The following OVCH2 variants were observed in gnomAD, a reference collection of about 807,000 sequenced individuals.
The protein encoded by OVCH2 is ovochymase 2.
Under a neutral mutation model 73.7 loss-of-function variants are expected in OVCH2, and 88 were observed. The observed-to-expected ratio is 1.19, with a 90% CI of 1.01 to 1.43. The LOEUF (loss-of-function observed/expected upper bound fraction) is 1.43. Ranked by LOEUF, OVCH2 falls within the 40% of genes most tolerant of loss-of-function variation. OVCH2 has a pLI of 0.00. For missense variants in OVCH2, 706 were observed against 674.5 expected, an observed-to-expected ratio of 1.05 and a Z score of -0.52; for synonymous variants, 265 against 234.5, an observed-to-expected ratio of 1.13 and a Z score of -1.19.
the OVCH2 span, among the ~76,000 whole-genome samples, chr11:7,681,683 C>A: frequency 5.9e-5 from 9 of 151,642 alleles, no homozygotes; most frequent in African/African-American, 2.2e-4. Flanking sequence ...TTAGAGCCTC[C>A]AGAAGGAATT....
intron 10 of OVCH2, among the ~76,000 whole-genome samples, chr11:7,696,157 G>A (rs1177893280): frequency 1.3e-5 from 2 of 152,186 alleles, no homozygotes; most frequent in African/African-American, 4.8e-5. Context: ...AAAGCAGTGA[G>A]CTGTCTGGAC....
rs1856433886 is a variant in OVCH2 at position 7,701,379 on chromosome 11, C to A, written c.656G>T (p.Ser219Ile). 2 of 1,613,212 alleles carry A rather than the reference C, an allele frequency of 1.2e-6. No homozygotes were observed. Among genetic ancestry groups the A allele is most frequent in the South Asian group, 2.2e-5 (2 of 90,848 alleles). ...AALLTLKRPI[S>I]GKTFLCTGFP... is the part of the protein sequence containing the mutation. ...ACCTGTGCAAAGAAAGGTCTTCCCACTGATGGGCCTCTTTAGTGTTAACAG... is the reference window on the plus strand; with the variant it reads ...ACCTGTGCAAAGAAAGGTCTTCCCAATGATGGGCCTCTTTAGTGTTAACAG... The change falls in exon 6 of 16, where the codon AGT becomes ATT. Residue 219 changes from serine (S) to isoleucine (I), a missense_variant. Ser to Ile is a moderately radical substitution (Grantham distance 142). Coordinates refer to ENST00000533663, the MANE Select transcript of OVCH2 (RefSeq NM_198185.7).
chr11:7,690,269 C>T (rs1343959482), intron 14 of OVCH2, among the ~76,000 whole-genome samples: 1 of 152,176 alleles, frequency 6.6e-6, no homozygotes, highest in African/African-American at 2.4e-5. Flanking sequence ...AAAGAAGAAT[C>T]ATGGGTATGA....
chr11:7,690,398 T>C (rs1856198555), intron 14 of OVCH2, among the ~76,000 whole-genome samples: 1 of 152,230 alleles, frequency 6.6e-6, no homozygotes, highest in Non-Finnish European at 1.5e-5. Flanking sequence ...CAAGTGTATC[T>C]TATCTGATTT....
chr11:7,704,357 T>C (rs1384271865), intron 2 of OVCH2, among the ~76,000 whole-genome samples: 6 of 152,202 alleles, frequency 3.9e-5, no homozygotes, highest in African/African-American at 1.4e-4. Flanking sequence ...GCTTATCCTA[T>C]TTGTGATACT....
intron 12 of OVCH2, among the ~76,000 whole-genome samples, chr11:7,693,880 G>T (rs1302895043): frequency 6.6e-6 from 1 of 152,118 alleles, no homozygotes; most frequent in Non-Finnish European, 1.5e-5. Flanking sequence ...ATGGAGGTGT[G>T]GGGTGGGGAC....
intron 10 of OVCH2, among the ~76,000 whole-genome samples, chr11:7,696,058 G>T (rs942161896): frequency 6.6e-6 from 1 of 152,180 alleles, no homozygotes; most frequent in Admixed American, 6.5e-5. Context: ...TCTGTTTCTT[G>T]TAAGTAACCT....
At position 7,700,496 on chromosome 11, in the gene OVCH2, A is replaced by G; in HGVS notation, c.712-11T>C. Reference sequence around the variant, plus strand: ...ACCTCCTGAATCTCCCTGCAGAGGGAAAAAGCCTCTATTAGCATCACTGTC... The same window carrying G: ...ACCTCCTGAATCTCCCTGCAGAGGGGAAAAGCCTCTATTAGCATCACTGTC... On this transcript the variant is annotated splice_polypyrimidine_tract_variant and intron_variant, in intron 6 of 15. Transcript: ENST00000533663. The G allele has an allele frequency of 1.9e-6, 3 of 1,591,346 alleles. No homozygotes were observed. Among genetic ancestry groups the G allele is most frequent in the Non-Finnish European group, 2.6e-6 (3 of 1,168,826 alleles).
intron 10 of OVCH2, among the ~76,000 whole-genome samples, chr11:7,696,123 G>A (rs778374714): frequency 6.6e-6 from 1 of 152,162 alleles, no homozygotes; most frequent in Non-Finnish European, 1.5e-5. Context: ...GATGAGGCAG[G>A]GAAAGGTCAT....
At position 7,700,874 on chromosome 11, in the gene OVCH2, G is replaced by C. The variant is rs1280237288; in HGVS notation, c.712-389C>G. ...ACTGGAAAATTCTAAATAGGAAAGA[G>C]TCAGCCATCCTTCAGGAATGGGAGA... On this transcript the variant is annotated intron_variant, in intron 6 of 15. Transcript: ENST00000533663. 2.0e-5 allele frequency among the ~76,000 whole-genome samples: 3 copies of C among 152,218 alleles called. No homozygotes were observed. The East Asian group carries it at 5.8e-4, about 29-fold the overall frequency.
Position 7,689,993 on chromosome 11 carries a change from A to AT in OVCH2, c.1659_1660insA (p.Ser554IlefsTer6). 1 of 1,524,560 alleles carries AT rather than the reference A, an allele frequency of 6.6e-7. No individual in the cohort carries two copies. The highest frequency in any genetic ancestry group is 8.8e-7 in the Non-Finnish European group (1 of 1,136,534). 94.4% of individuals were successfully genotyped at this position (1,524,560 alleles called of 1,614,324 possible). A position where few individuals can be genotyped will look rare whatever the true frequency, so the allele number is the denominator to read the frequency against. ...AACATTGATTCATCCTCTGATATGG[A>AT]GATGTTTAAATCTGGGTATACTGGG... On this transcript the variant is annotated frameshift_variant, in exon 15 of 16. Coordinates refer to ENST00000533663, the MANE Select transcript of OVCH2 (RefSeq NM_198185.7). LOFTEE classifies it high-confidence loss of function.
At chr11:7,698,466 G>A (rs1856376196) in intron 8 of OVCH2, among the ~76,000 whole-genome samples, 1 of 152,176 alleles carries the variant, frequency 6.6e-6, no homozygotes, top group Non-Finnish European at 1.5e-5. Flanking sequence ...GTAGCTTACT[G>A]ACCACATCGG....
rs1183877336 is a variant in OVCH2, at chr11:7,704,576, A to T, written c.187T>A (p.Tyr63Asn). The T allele has an allele frequency of 6.2e-7, 1 of 1,607,378 alleles. No homozygotes were observed. Among genetic ancestry groups the T allele is most frequent in the Non-Finnish European group, 8.5e-7 (1 of 1,174,730 alleles). ...LGGSQVEKGSYPWQVSLKQRQ... is the reference protein window; with the variant it reads ...LGGSQVEKGSNPWQVSLKQRQ... ...TCCTTGAGACTCACCTGCCAGGGAT[A>T]GGAACCCTTCTCCACTTGGCTTCCT... Residue 63 changes from tyrosine to asparagine, a missense_variant, in exon 2 of 16, where the codon TAT becomes AAT. Transcript: ENST00000533663.
At position 7,690,002 on chromosome 11, in the gene OVCH2, A is replaced by T. The variant is rs1856191395; in HGVS notation, c.1651T>A (p.Leu551Ile). The T allele has an allele frequency of 2.6e-6, 4 of 1,520,742 alleles. No homozygotes were observed. In the South Asian group the frequency reaches 3.6e-5, roughly 14 times the overall value. The allele number at this position is 1,520,742 out of a possible 1,614,324, so 94.2% of individuals were successfully genotyped here. ...SFIPKAVYPD[L>I]NISISEDESM... ...TCATCCTCTGATATGGAGATGTTTAAATCTGGGTATACTGGGTATAAGTAT... is the reference window on the plus strand; with the variant it reads ...TCATCCTCTGATATGGAGATGTTTATATCTGGGTATACTGGGTATAAGTAT... Residue 551 changes from leucine (L) to isoleucine (I), a missense_variant, in exon 15 of 16, where the codon TTA (leucine) becomes ATA (isoleucine). Coordinates refer to ENST00000533663, the MANE Select transcript of OVCH2 (RefSeq NM_198185.7).
Position 7,689,916 on chromosome 11 carries a change from C to G in OVCH2, c.*31+8G>C. 1.4e-6 allele frequency: 2 copies of G among 1,460,282 alleles called. No homozygotes were observed. Among genetic ancestry groups the G allele is most frequent in the Non-Finnish European group, 1.9e-6 (2 of 1,078,060 alleles). The allele number at this position is 1,460,282 out of a possible 1,614,324, so 90.5% of individuals were successfully genotyped here. A position where few individuals can be genotyped will look rare whatever the true frequency, so the allele number is the denominator to read the frequency against. ...TGTGTGTATCAATTGGTCCCCAAAA[C>G]AGCTTACCAGAAACATTGGTTTCTC... On this transcript the variant is annotated splice_region_variant and intron_variant, in intron 15 of 15. Coordinates refer to ENST00000533663, the MANE Select transcript of OVCH2 (RefSeq NM_198185.7).
At chr11:7,680,387 CAA>C in the OVCH2 span, among the ~76,000 whole-genome samples, 2 of 152,018 alleles carry the variant, frequency 1.3e-5, no homozygotes, top group African/African-American at 4.8e-5. Context: ...AAGAACAGGA[CAA>C]ACACTTTTTT....
chr11:7,683,891 T>C, the OVCH2 span, among the ~76,000 whole-genome samples: 4 of 152,294 alleles, frequency 2.6e-5, no homozygotes, highest in African/African-American at 9.6e-5. Context: ...TTATCAGCTC[T>C]TCTCTGACCA....
intron 12 of OVCH2, among the ~76,000 whole-genome samples, chr11:7,692,486 C>T (rs1242078725): frequency 6.6e-6 from 1 of 152,196 alleles, no homozygotes; most frequent in South Asian, 2.1e-4. Flanking sequence ...GGCTCCTCTT[C>T]TCACCTGCTT....
At chr11:7,690,449 T>G (rs1173884281) in intron 14 of OVCH2, among the ~76,000 whole-genome samples, 2 of 152,160 alleles carry the variant, frequency 1.3e-5, no homozygotes, top group African/African-American at 4.8e-5. Flanking sequence ...TTGTTTTCCC[T>G]TAGTAGGGTT....
Sources: gnomAD v4.1 joint callset for allele counts (sites outside exome capture counted in the v4.1 genomes callset) on GRCh38, gnomAD v4.1.1 for gene constraint, MANE v1.5 for transcripts, NCBI Gene and HGNC (gene_info 2026-07-23, HGNC 2026-07-21) for gene names.